Variants in PDE10A observed in about 807,000 individuals in gnomAD.
PDE10A encodes cAMP and cAMP-inhibited cGMP 3',5'-cyclic phosphodiesterase 10A.
PDE10A carries 39 observed loss-of-function variants against 97.7 expected under a neutral mutation model. The ratio of observed to expected loss-of-function variants is 0.40; its 90% CI spans 0.31 to 0.52. PDE10A has a LOEUF of 0.52. Among genes scored for constraint, PDE10A ranks in the 20% least tolerant of loss-of-function variants. The probability of loss-of-function intolerance (pLI) is 0.56; values close to 1 mark genes in which losing one functional copy is unlikely to be tolerated. For synonymous variants in PDE10A, 371 were observed against 376.8 expected (o/e 0.98, Z 0.18); for missense variants, 731 against 1,047.8 (o/e 0.70, Z 4.17).
intron 1 of PDE10A, among the ~76,000 whole-genome samples, chr6:165,831,199 C>T (rs562810568): frequency 1.3e-5 from 2 of 151,192 alleles, no homozygotes; most frequent in African/African-American, 2.4e-5. Flanking sequence ...GGTGAAACCC[C>T]GTCTCTACTA....
intron 1 of PDE10A, among the ~76,000 whole-genome samples, chr6:165,727,589 C>A (rs536044296): frequency 6.6e-6 from 1 of 152,320 alleles, no homozygotes; most frequent in South Asian, 2.1e-4. Flanking sequence ...CAGTTCCTTC[C>A]CTAAGGCTGA....
At chr6:165,749,496 C>CCACCATCACAT (rs1792946816) in intron 1 of PDE10A, among the ~76,000 whole-genome samples, 1 of 147,300 alleles carries the variant, frequency 6.8e-6, no homozygotes, top group African/African-American at 2.5e-5. Context: ...ATCACCATCA[C>CCACCATCACAT]CACCATCATC....
intron 1 of PDE10A, among the ~76,000 whole-genome samples, chr6:165,907,723 TC>T (rs1418957572): frequency 6.6e-6 from 1 of 152,130 alleles, no homozygotes; most frequent in Non-Finnish European, 1.5e-5. Flanking sequence ...GTGATGGGCC[TC>T]CCTGCAGCAG....
chr6:165,684,401 A>G (rs1183912932), intron 1 of PDE10A, among the ~76,000 whole-genome samples: 1 of 152,240 alleles, frequency 6.6e-6, no homozygotes, highest in African/African-American at 2.4e-5. Flanking sequence ...TTCATCGAAT[A>G]AGTGAACGAA....
chr6:165,395,029 T>G, intron 15 of PDE10A, 152 bp downstream of exon 15: 1 of 526,384 alleles, frequency 1.9e-6, no homozygotes. Flanking sequence ...TCTCAGCCCT[T>G]TTTTATTGGA....
intron 2 of PDE10A, among the ~76,000 whole-genome samples, chr6:165,505,532 A>T (rs1484722256): frequency 6.6e-6 from 1 of 152,344 alleles, no homozygotes; most frequent in East Asian, 1.9e-4. Context: ...GTTCAAATAA[A>T]TATGCAGCTA....
intron 1 of PDE10A, among the ~76,000 whole-genome samples, chr6:165,946,378 C>A (rs1783766399): frequency 1.3e-5 from 2 of 151,954 alleles, no homozygotes; most frequent in Non-Finnish European, 2.9e-5. Flanking sequence ...GCCTGTAGTC[C>A]CAGCTACTAG....
chr6:165,761,174 C>T (rs1457482723), intron 1 of PDE10A, among the ~76,000 whole-genome samples: 2 of 152,212 alleles, frequency 1.3e-5, no homozygotes, highest in African/African-American at 4.8e-5. Context: ...TTTCTTTTCT[C>T]CCAATAAACT....
At chr6:165,447,209 T>C (rs1358024936) in intron 5 of PDE10A, among the ~76,000 whole-genome samples, 1 of 152,068 alleles carries the variant, frequency 6.6e-6, no homozygotes, top group Non-Finnish European at 1.5e-5. Context: ...AGCCATAGGG[T>C]TCCTGCTGCC....
rs761585826 is a variant in PDE10A at position 165,432,939 on chromosome 6, T to A, written c.1491+35A>T. On this transcript the variant is annotated intron_variant, in intron 7 of 21. Transcript: ENST00000539869. Reference sequence around the variant, plus strand: ...GCACCTTCAATGAGCTAGGTACAACTAAAAATTCTAACATGCAGCATTTAA... The same window carrying A: ...GCACCTTCAATGAGCTAGGTACAACAAAAAATTCTAACATGCAGCATTTAA... 7 of 1,581,290 alleles carry A rather than the reference T, an allele frequency of 4.4e-6. No homozygotes were observed. In the South Asian group the frequency reaches 6.8e-5, roughly 15 times the overall value.
intron 16 of PDE10A, among the ~76,000 whole-genome samples, chr6:165,390,765 C>T (rs150553911): frequency 2.5e-4 from 38 of 152,218 alleles, no homozygotes; most frequent in African/African-American, 8.9e-4. Flanking sequence ...ACATTTTTAG[C>T]GATATGCCTG....
At chr6:165,606,258 G>A (rs2128398582) in intron 1 of PDE10A, among the ~76,000 whole-genome samples, 1 of 152,002 alleles carries the variant, frequency 6.6e-6, no homozygotes, top group Non-Finnish European at 1.5e-5. Context: ...GGAAAGAGAA[G>A]CTCATAAGAG....
At chr6:165,631,086 T>C (rs528572434) in intron 1 of PDE10A, among the ~76,000 whole-genome samples, 1 of 152,322 alleles carries the variant, frequency 6.6e-6, no homozygotes, top group South Asian at 2.1e-4. Context: ...TTTCATAAAA[T>C]GAAGAAATGT....
At chr6:165,347,771 A>T (rs951463682) in intron 18 of PDE10A, among the ~76,000 whole-genome samples, 6 of 152,190 alleles carry the variant, frequency 3.9e-5, no homozygotes, top group Non-Finnish European at 8.8e-5. Flanking sequence ...ATGCACTTAC[A>T]GTCCTACAGC....
intron 1 of PDE10A, among the ~76,000 whole-genome samples, chr6:165,874,947 G>C (rs767846574): frequency 2.0e-5 from 3 of 152,114 alleles, no homozygotes; most frequent in Non-Finnish European, 4.4e-5. Context: ...CCAGTTATTC[G>C]TTCTAAGTTA....
chr6:165,367,157 G>C (rs976950136), intron 18 of PDE10A, among the ~76,000 whole-genome samples: 3 of 151,700 alleles, frequency 2.0e-5, no homozygotes, highest in African/African-American at 7.3e-5. Flanking sequence ...GGAATTTCAG[G>C]AGAAACATAG....
At chr6:165,538,773 T>C (rs1339369519) in intron 2 of PDE10A, among the ~76,000 whole-genome samples, 2 of 152,192 alleles carry the variant, frequency 1.3e-5, no homozygotes, top group Non-Finnish European at 1.5e-5. Context: ...AATATTCTTA[T>C]AAGAAATGCA....
intron 1 of PDE10A, among the ~76,000 whole-genome samples, chr6:165,943,190 AGAAAGAAAGAAAGAAAG>A (rs1783600713): frequency 2.0e-5 from 1 of 50,750 alleles, no homozygotes; most frequent in Non-Finnish European, 3.6e-5. Flanking sequence ...AAAGAAAGAA[AGAAAGAAAGAAAGAAAG>A]AAAGAAAGAA....
intron 1 of PDE10A, among the ~76,000 whole-genome samples, chr6:165,863,302 G>C (rs1460305250): frequency 6.6e-6 from 1 of 152,094 alleles, no homozygotes; most frequent in Non-Finnish European, 1.5e-5. Flanking sequence ...AGTTTACTGG[G>C]GCAAAGTAGA....
Sources: allele counts gnomAD v4.1 joint callset (sites outside exome capture counted in the v4.1 genomes callset), GRCh38; gene constraint gnomAD v4.1.1; transcripts MANE v1.5; gene names NCBI Gene and HGNC (gene_info 2026-07-23, HGNC 2026-07-21).